NOS1AP: variants seen among roughly 807,000 people sequenced by gnomAD.
NOS1AP encodes carboxyl-terminal PDZ ligand of neuronal nitric oxide synthase protein.
NOS1AP carries 21 observed loss-of-function variants against 56.2 expected under a neutral mutation model. The observed-to-expected ratio is 0.37, with a 90% CI of 0.26 to 0.54. The LOEUF (loss-of-function observed/expected upper bound fraction) is 0.54, where lower values mean the gene tolerates loss of function less well. Among genes scored for constraint, NOS1AP ranks in the 20% least tolerant of loss-of-function variants. The pLI is 0.84. For synonymous variants in NOS1AP, 270 were observed against 274.6 expected, an observed-to-expected ratio of 0.98 and a Z score of 0.17; for missense variants, 522 against 657.8, an observed-to-expected ratio of 0.79 and a Z score of 2.26.
intron 2 of NOS1AP, among the ~76,000 whole-genome samples, chr1:162,215,436 G>A (rs542858234): frequency 6.6e-6 from 1 of 152,334 alleles, no homozygotes; most frequent in South Asian, 2.1e-4. Context: ...CTTGCATTGC[G>A]GGGCTAGGCT....
chr1:162,276,852 G>A (rs1042528999), intron 2 of NOS1AP, among the ~76,000 whole-genome samples: 2 of 152,154 alleles, frequency 1.3e-5, no homozygotes, highest in Non-Finnish European at 2.9e-5. Context: ...GCCATCTTAA[G>A]GTGGTTGTTC....
chr1:162,127,953 A>T (rs534480456), intron 1 of NOS1AP, among the ~76,000 whole-genome samples: 11 of 152,164 alleles, frequency 7.2e-5, no homozygotes, highest in Non-Finnish European at 1.2e-4. Flanking sequence ...CAAAAAAATG[A>T]TGATTTGCTT....
rs148857611 is a variant in NOS1AP at position 162,271,177 on chromosome 1, C to T, written c.178-16167C>T. On this transcript the variant is annotated intron_variant, in intron 2 of 9. Transcript: ENST00000361897. ...CAGTTTTTGTTCTTCTTCCCTCCCC[C>T]AACACCCCAGTATGATCCTTAGAAT... 3.6e-3 allele frequency among the ~76,000 whole-genome samples: 541 copies of T among 151,770 alleles called. 5 individuals carry two copies. Among genetic ancestry groups the T allele is most frequent in the Non-Finnish European group, 5.5e-3 (376 of 67,942 alleles).
At chr1:162,153,132 T>A (rs562671230) in intron 1 of NOS1AP, among the ~76,000 whole-genome samples, 10 of 152,302 alleles carry the variant, frequency 6.6e-5, no homozygotes, top group Admixed American at 2.6e-4. Flanking sequence ...TATACCTTTT[T>A]AATTTTTACT....
At chr1:162,102,591 T>C (rs1647330514) in intron 1 of NOS1AP, among the ~76,000 whole-genome samples, 1 of 152,178 alleles carries the variant, frequency 6.6e-6, no homozygotes, top group African/African-American at 2.4e-5. Flanking sequence ...TTTTGGTTGG[T>C]AGGCTATTTC....
intron 1 of NOS1AP, among the ~76,000 whole-genome samples, chr1:162,082,711 T>C (rs533716133): frequency 6.6e-6 from 1 of 152,278 alleles, no homozygotes; most frequent in Non-Finnish European, 1.5e-5. Context: ...TTTTTTTGCA[T>C]ATGTTTATTG....
At chr1:162,186,933 T>G (rs12087779) in intron 2 of NOS1AP, among the ~76,000 whole-genome samples, 17,110 of 152,176 alleles carry the variant, frequency 0.11, 1,060 homozygotes, top group South Asian at 0.21. Context: ...CATAAAGGTT[T>G]TTTTGTTGTT....
At chr1:162,363,532 A>C (rs906825959) in intron 8 of NOS1AP, 2 of 152,692 alleles carry the variant, frequency 1.3e-5, no homozygotes, top group Admixed American at 6.5e-5. Context: ...GATTAGTTTA[A>C]CTTTTAGCCC....
intron 1 of NOS1AP, among the ~76,000 whole-genome samples, chr1:162,122,375 AC>A (rs1259322107): frequency 6.6e-6 from 1 of 152,196 alleles, no homozygotes; most frequent in African/African-American, 2.4e-5. Flanking sequence ...AGAGTAGACA[AC>A]CCTCCAGAAG....
intron 2 of NOS1AP, among the ~76,000 whole-genome samples, chr1:162,269,270 G>A (rs1280001283): frequency 6.6e-6 from 1 of 152,018 alleles, no homozygotes; most frequent in Non-Finnish European, 1.5e-5. Flanking sequence ...CAGTTCCTTG[G>A]TTATCTTAAT....
Position 162,217,732 on chromosome 1 carries a change from C to A in NOS1AP, c.177+63256C>A, listed in dbSNP as rs1242579856. Among the ~76,000 whole-genome samples the A allele has an allele frequency of 1.3e-5, 2 of 152,148 alleles. 1 individual carries two copies. The highest frequency in any genetic ancestry group is 4.1e-4 in the South Asian group (2 of 4,820). On this transcript the variant is annotated intron_variant, in intron 2 of 9. Coordinates refer to ENST00000361897, the MANE Select transcript of NOS1AP (RefSeq NM_014697.3). ...GTGACCATAATTAAAACCACATATACACCTTTCTCTTTATCCTGTCCTCTT... is the reference window on the plus strand; with the variant it reads ...GTGACCATAATTAAAACCACATATAAACCTTTCTCTTTATCCTGTCCTCTT...
At chr1:162,321,192 T>A (rs1022395896) in intron 4 of NOS1AP, among the ~76,000 whole-genome samples, 1 of 152,248 alleles carries the variant, frequency 6.6e-6, no homozygotes, top group African/African-American at 2.4e-5. Context: ...TAGGGAATCC[T>A]TTCCCCATTT....
At chr1:162,184,959 G>C (rs539979243) in intron 2 of NOS1AP, among the ~76,000 whole-genome samples, 1 of 152,260 alleles carries the variant, frequency 6.6e-6, no homozygotes, top group South Asian at 2.1e-4. Context: ...GTTCACTATG[G>C]GTCTCACTGG....
At chr1:162,116,327 G>C (rs1265116010) in intron 1 of NOS1AP, among the ~76,000 whole-genome samples, 1 of 152,164 alleles carries the variant, frequency 6.6e-6, no homozygotes, top group Non-Finnish European at 1.5e-5. Flanking sequence ...AGAACGGGCT[G>C]CTCCCCAGTA....
At chr1:162,098,544 C>CAGAT (rs1320491724) in intron 1 of NOS1AP, among the ~76,000 whole-genome samples, 1 of 149,878 alleles carries the variant, frequency 6.7e-6, no homozygotes, top group Non-Finnish European at 1.5e-5. Flanking sequence ...GTACATGTGC[C>CAGAT]AGATGTCCAG....
intron 2 of NOS1AP, among the ~76,000 whole-genome samples, chr1:162,283,979 C>A (rs191610625): frequency 2.3e-4 from 35 of 152,344 alleles, no homozygotes; most frequent in African/African-American, 5.8e-4. Context: ...CAGCCCCTGG[C>A]AAAGCCTGAG....
chr1:162,181,960 A>G (rs1651279193), intron 2 of NOS1AP, among the ~76,000 whole-genome samples: 1 of 152,244 alleles, frequency 6.6e-6, no homozygotes, highest in Non-Finnish European at 1.5e-5. Context: ...ATAGAGTTGA[A>G]AAAAGTCCCA....
chr1:162,219,507 C>T (rs758236090), intron 2 of NOS1AP, among the ~76,000 whole-genome samples: 3 of 151,896 alleles, frequency 2.0e-5, no homozygotes, highest in Non-Finnish European at 2.9e-5. Context: ...TCTGTCTCCC[C>T]TTGCCTTCTC....
chr1:162,209,429 G>T (rs148561821), intron 2 of NOS1AP, among the ~76,000 whole-genome samples: 1 of 152,116 alleles, frequency 6.6e-6, no homozygotes. Context: ...AGGAGAAGTG[G>T]TATTTTAGGA....
Sources: allele counts gnomAD v4.1 joint callset (sites outside exome capture counted in the v4.1 genomes callset), GRCh38; gene constraint gnomAD v4.1.1; transcripts MANE v1.5; gene names NCBI Gene and HGNC (gene_info 2026-07-23, HGNC 2026-07-21).